Variants in MTREX observed in about 807,000 individuals in gnomAD.
MTREX encodes the protein Mtr4 exosome RNA helicase.
In MTREX, 76 loss-of-function variants were observed where a neutral mutation model predicts 135.4. The observed-to-expected ratio is 0.56, with a 90% CI of 0.47 to 0.68. MTREX has a LOEUF of 0.68. MTREX is among the 30% of genes least tolerant of loss of function. The pLI is 0.00. For missense variants in MTREX, 920 were observed against 1,262.1 expected (o/e 0.73, Z 4.11); for synonymous variants, 404 against 401.6 (o/e 1.01, Z -0.07).
At chr5:55,311,654 G>A (rs1045705080) in intron 1 of MTREX, among the ~76,000 whole-genome samples, 2 of 152,246 alleles carry the variant, frequency 1.3e-5, no homozygotes, top group East Asian at 1.9e-4. Context: ...CTATCCTCAC[G>A]TAGCTGTTGA....
intron 1 of MTREX, among the ~76,000 whole-genome samples, chr5:55,322,026 T>C (rs944427013): frequency 2.0e-5 from 3 of 152,248 alleles, no homozygotes; most frequent in Non-Finnish European, 2.9e-5. Flanking sequence ...AGGTAACTCA[T>C]GTTAATGTCT....
intron 25 of MTREX, 141 bp from the exon 26 acceptor site, chr5:55,422,736 GT>G (rs1751073554): frequency 1.6e-6 from 1 of 635,930 alleles, no homozygotes; most frequent in Admixed American, 3.0e-5. Flanking sequence ...GCTTTCTCCA[GT>G]ACCTAACCAT....
intron 22 of MTREX, among the ~76,000 whole-genome samples, chr5:55,407,942 G>T (rs2111607747): frequency 6.6e-6 from 1 of 152,158 alleles, no homozygotes; most frequent in Admixed American, 6.6e-5. Flanking sequence ...AGTTTCTGTA[G>T]AGATAGGGTC....
intron 15 of MTREX, among the ~76,000 whole-genome samples, chr5:55,365,989 T>TAAA (rs765319067): frequency 2.5e-5 from 3 of 121,296 alleles, no homozygotes; most frequent in Admixed American, 8.6e-5. Flanking sequence ...AGACCCCATC[T>TAAA]AAAAAAAAAA....
chr5:55,381,559 A>G (rs1202904043), intron 18 of MTREX, among the ~76,000 whole-genome samples: 2 of 152,086 alleles, frequency 1.3e-5, no homozygotes, highest in African/African-American at 4.8e-5. Flanking sequence ...ATACTTGTTA[A>G]TTTCCCAAAT....
chr5:55,308,049 G>A lies in MTREX; in HGVS notation c.36G>A (p.Val12=). 1 of 1,614,132 alleles carries A rather than the reference G, an allele frequency of 6.2e-7. No individual in the cohort carries two copies. Among genetic ancestry groups the A allele is most frequent in the Non-Finnish European group, 8.5e-7 (1 of 1,180,036 alleles). The part of the protein sequence containing the change: ...ADAFGDELFS[V]FEGDSTTAAG... The stretch of plus-strand genomic sequence containing the variant: ...CATTCGGAGATGAGCTGTTCAGCGT[G>A]TTCGAGGGCGACTCGACCACTGCGG... Residue 12 remains valine (V), a synonymous_variant, in exon 1 of 27, where the codon GTG becomes GTA. Transcript: ENST00000230640.
Position 55,425,329 on chromosome 5 carries a change from T to A in MTREX, c.*557T>A. 1 of 1,597,548 alleles carries A rather than the reference T, an allele frequency of 6.3e-7. No individual in the cohort carries two copies. The highest frequency in any genetic ancestry group is 1.1e-5 in the South Asian group (1 of 90,160). On this transcript the variant is annotated 3_prime_UTR_variant, in exon 27 of 27. Transcript: ENST00000230640. ...TTTCTTTGAAGAAATCCGATACATA[T>A]ACAGCCTACAGTGCAAAATATTTAA... is the stretch of plus-strand genomic sequence containing the variant.
At chr5:55,368,859 C>T (rs1750148524) in intron 16 of MTREX, among the ~76,000 whole-genome samples, 1 of 152,062 alleles carries the variant, frequency 6.6e-6, no homozygotes, top group African/African-American at 2.4e-5. Context: ...TGGATGATCT[C>T]AACACTCACC....
At chr5:55,420,054 C>T (rs1461415573) in intron 25 of MTREX, among the ~76,000 whole-genome samples, 1 of 152,164 alleles carries the variant, frequency 6.6e-6, no homozygotes, top group Non-Finnish European at 1.5e-5. Context: ...CTGATACTTA[C>T]TCGTTTAATG....
chr5:55,331,342 A>C (rs891414246), intron 5 of MTREX, among the ~76,000 whole-genome samples: 2 of 152,108 alleles, frequency 1.3e-5, no homozygotes, highest in Non-Finnish European at 2.9e-5. Flanking sequence ...AGGTATAGTT[A>C]AGTTACTTGG....
At chr5:55,404,147 C>T (rs929232495) in intron 21 of MTREX, among the ~76,000 whole-genome samples, 4 of 152,286 alleles carry the variant, frequency 2.6e-5, no homozygotes, top group African/African-American at 4.8e-5. Context: ...AATTTTTCCT[C>T]CTTAGTAGAA....
intron 5 of MTREX, among the ~76,000 whole-genome samples, chr5:55,332,531 A>G (rs2112045024): frequency 6.6e-6 from 1 of 152,312 alleles, no homozygotes; most frequent in East Asian, 1.9e-4. Flanking sequence ...GGTAATTTAT[A>G]AAGAAAGGAA....
chr5:55,418,421 A>G (rs778026329), intron 25 of MTREX, among the ~76,000 whole-genome samples: 2 of 146,274 alleles, frequency 1.4e-5, no homozygotes, highest in Non-Finnish European at 3.0e-5. Context: ...GCCAAATTGA[A>G]GATGGTTTGT....
chr5:55,386,563 A>G (rs1405156890), intron 18 of MTREX, among the ~76,000 whole-genome samples: 1 of 152,146 alleles, frequency 6.6e-6, no homozygotes, highest in Non-Finnish European at 1.5e-5. Flanking sequence ...AACACTTGAG[A>G]ATATTTCCAT....
At chr5:55,318,012 T>TA (rs909853388) in intron 1 of MTREX, among the ~76,000 whole-genome samples, 35 of 151,916 alleles carry the variant, frequency 2.3e-4, no homozygotes, top group African/African-American at 8.0e-4. Flanking sequence ...AGAAAGCATA[T>TA]AAAAAAAGCT....
intron 5 of MTREX, among the ~76,000 whole-genome samples, chr5:55,332,435 T>C (rs1228943523): frequency 6.6e-6 from 1 of 152,190 alleles, no homozygotes; most frequent in Non-Finnish European, 1.5e-5. Context: ...AGTCATCCTG[T>C]TCATCAGCCA....
intron 11 of MTREX, among the ~76,000 whole-genome samples, chr5:55,348,164 C>T (rs962387628): frequency 5.3e-5 from 8 of 152,150 alleles, no homozygotes; most frequent in African/African-American, 1.4e-4. Context: ...GGACCCAGCA[C>T]ATCTAGTGAG....
At chr5:55,366,563 A>C (rs1278083571) in intron 15 of MTREX, among the ~76,000 whole-genome samples, 162 bp from the exon 16 acceptor site, 1 of 152,178 alleles carries the variant, frequency 6.6e-6, no homozygotes, top group Non-Finnish European at 1.5e-5. Context: ...ACTTTCCCAA[A>C]GACCTGTGGT....
chr5:55,318,225 G>A (rs528882519), intron 1 of MTREX, among the ~76,000 whole-genome samples: 1 of 152,220 alleles, frequency 6.6e-6, no homozygotes, highest in South Asian at 2.1e-4. Flanking sequence ...TCATCAAAGA[G>A]CTAAAAACAG....
Sources: gnomAD v4.1 joint callset for allele counts (sites outside exome capture counted in the v4.1 genomes callset) on GRCh38, gnomAD v4.1.1 for gene constraint, MANE v1.5 for transcripts, NCBI Gene and HGNC (gene_info 2026-07-23, HGNC 2026-07-21) for gene names.